Variants in CCDC83 observed in about 807,000 individuals in gnomAD.
CCDC83 encodes the protein coiled-coil domain-containing protein 83.
A neutral mutation model predicts 50.1 loss-of-function variants in CCDC83; 54 were observed. That is an observed-to-expected ratio of 1.08 (90% CI 0.87 to 1.35). CCDC83 has a LOEUF of 1.35. Among genes scored for constraint, CCDC83 ranks in the 40% most tolerant of loss-of-function variants. CCDC83 has a pLI of 0.00. For missense variants in CCDC83, 518 were observed against 473.9 expected, an observed-to-expected ratio of 1.09 and a Z score of -0.86; for synonymous variants, 161 against 153.3, an observed-to-expected ratio of 1.05 and a Z score of -0.37.
chr11:85,876,199 C>T (rs2093268144), intron 3 of CCDC83, among the ~76,000 whole-genome samples: 1 of 152,172 alleles, frequency 6.6e-6, no homozygotes, highest in African/African-American at 2.4e-5. Flanking sequence ...GAGTTCTGAT[C>T]TCAACCCTTT....
At chr11:85,904,236 C>A (rs1246060567) in intron 7 of CCDC83, among the ~76,000 whole-genome samples, 1 of 152,166 alleles carries the variant, frequency 6.6e-6, no homozygotes, top group African/African-American at 2.4e-5. Flanking sequence ...CTCATATACG[C>A]CACAACAGTT....
chr11:85,874,303 G>A (rs1361261262), intron 3 of CCDC83, among the ~76,000 whole-genome samples: 2 of 152,232 alleles, frequency 1.3e-5, no homozygotes, highest in Non-Finnish European at 2.9e-5. Flanking sequence ...ATGAGATCCA[G>A]AGCACTAAAG....
At chr11:85,874,407 T>C (rs950363840) in intron 3 of CCDC83, among the ~76,000 whole-genome samples, 9 of 152,126 alleles carry the variant, frequency 5.9e-5, no homozygotes, top group African/African-American at 2.2e-4. Context: ...GTAAAACAAA[T>C]CAGGATTGAG....
intron 7 of CCDC83, among the ~76,000 whole-genome samples, chr11:85,910,351 A>G (rs1287793027): frequency 6.6e-6 from 1 of 152,220 alleles, no homozygotes; most frequent in African/African-American, 2.4e-5. Flanking sequence ...TTTCTGCCAC[A>G]TGATAGCCAT....
At chr11:85,895,642 A>T (rs1362899678) in intron 6 of CCDC83, among the ~76,000 whole-genome samples, 1 of 152,216 alleles carries the variant, frequency 6.6e-6, no homozygotes, top group South Asian at 2.1e-4. Flanking sequence ...TTTAAATCAC[A>T]GTTCTACACT....
intron 1 of CCDC83, among the ~76,000 whole-genome samples, chr11:85,861,733 G>T (rs188237118): frequency 1.0e-3 from 152 of 152,200 alleles, no homozygotes; most frequent in African/African-American, 3.5e-3. Context: ...TTTGGGCCAA[G>T]TGCGGTGGCT....
At position 85,919,898 on chromosome 11, in the gene CCDC83, A is replaced by C. The variant is rs2093500352; in HGVS notation, c.*388A>C. On this transcript the variant is annotated 3_prime_UTR_variant, in exon 11 of 11. Transcript: ENST00000342404. ...CATTGTCTACACATCTTTCCCTCTG[A>C]GGATGCTCAATGTGATAGACAGCCA... The C allele has an allele frequency of 5.1e-6, 1 of 197,942 alleles. No homozygotes were observed. The highest frequency in any genetic ancestry group is 1.7e-4 in the East Asian group (1 of 5,758). The allele number at this position is 197,942 out of a possible 1,614,324, so 12.3% of individuals were successfully genotyped here. A position where few individuals can be genotyped will look rare whatever the true frequency, so the allele number is the denominator to read the frequency against.
intron 10 of CCDC83, chr11:85,916,684 A>T (rs1265316482): frequency 6.3e-6 from 1 of 159,460 alleles, no homozygotes; most frequent in Non-Finnish European, 1.4e-5. Context: ...GGTGGTTTAT[A>T]TGGCTAGCAT....
intron 6 of CCDC83, among the ~76,000 whole-genome samples, chr11:85,896,263 G>A (rs1401971723): frequency 2.6e-5 from 4 of 151,848 alleles, no homozygotes; most frequent in Non-Finnish European, 5.9e-5. Context: ...CCCTGTCTCA[G>A]CTAGTCCCAG....
chr11:85,856,206 AAAAG>A (rs971057473), intron 1 of CCDC83, among the ~76,000 whole-genome samples: 6 of 150,200 alleles, frequency 4.0e-5, no homozygotes, highest in Non-Finnish European at 5.9e-5. Flanking sequence ...AAAAAAAAGG[AAAAG>A]AAAGATTCCT....
intron 5 of CCDC83, among the ~76,000 whole-genome samples, chr11:85,891,889 G>C (rs1368814310): frequency 6.6e-6 from 1 of 152,306 alleles, no homozygotes; most frequent in East Asian, 1.9e-4. Context: ...TTGAACCTAG[G>C]TGTGTTAGGC....
intron 2 of CCDC83, among the ~76,000 whole-genome samples, chr11:85,872,636 A>G (rs759121489): frequency 4.6e-5 from 7 of 152,244 alleles, no homozygotes; most frequent in Non-Finnish European, 8.8e-5. Context: ...CAAATAGCCT[A>G]TAAGAAAGTC....
At chr11:85,862,825 A>T (rs1293683635) in intron 1 of CCDC83, among the ~76,000 whole-genome samples, 1 of 152,232 alleles carries the variant, frequency 6.6e-6, no homozygotes, top group Non-Finnish European at 1.5e-5. Flanking sequence ...AGCCCATTGG[A>T]AAAATGCAGC....
At chr11:85,886,493 G>A in intron 5 of CCDC83, 126 bp downstream of exon 5, 1 of 682,758 alleles carries the variant, frequency 1.5e-6, no homozygotes. Flanking sequence ...AAGCAGCTGT[G>A]AGCCTAAGGG....
At chr11:85,895,265 T>TTA (rs766422524) in intron 5 of CCDC83, 28 bp from the exon 6 acceptor site, 1,944 of 24,176 alleles carry the variant, frequency 0.08, 32 homozygotes, top group African/African-American at 0.36. Flanking sequence ...TTTAATTTTC[T>TTA]TTTTTTTTTT....
chr11:85,894,667 C>T (rs1054101746), intron 5 of CCDC83, among the ~76,000 whole-genome samples: 2 of 152,124 alleles, frequency 1.3e-5, no homozygotes, highest in Admixed American at 6.6e-5. Context: ...ATCACAAGGA[C>T]GGGTTTTTTT....
At chr11:85,880,064 T>C (rs2093291310) in intron 3 of CCDC83, among the ~76,000 whole-genome samples, 1 of 152,210 alleles carries the variant, frequency 6.6e-6, no homozygotes, top group African/African-American at 2.4e-5. Context: ...TTCTTGTTTT[T>C]CAAAATCATT....
chr11:85,858,026 T>G (rs1304604710), intron 1 of CCDC83, among the ~76,000 whole-genome samples: 1 of 152,178 alleles, frequency 6.6e-6, no homozygotes, highest in Non-Finnish European at 1.5e-5. Flanking sequence ...ACAAGAATAC[T>G]GTGGAGAGAG....
At position 85,873,283 on chromosome 11, in the gene CCDC83, A is replaced by T; in HGVS notation, c.168A>T (p.Lys56Asn). 1.4e-6 allele frequency: 2 copies of T among 1,459,040 alleles called. No homozygotes were observed. Among genetic ancestry groups the T allele is most frequent in the Non-Finnish European group, 1.9e-6 (2 of 1,062,018 alleles). 90.4% of individuals were successfully genotyped at this position (1,459,040 alleles called of 1,614,324 possible). Reference sequence around the variant, plus strand: ...AGACACTTAGGAAAAAGAACCAAAAATATCATGAAAGAGTGAGTATAAAAT... The same window carrying T: ...AGACACTTAGGAAAAAGAACCAAAATTATCATGAAAGAGTGAGTATAAAAT... ...QIKTLRKKNQ[K>N]YHERNSRLKE... is the part of the protein sequence containing the mutation. The change falls in exon 3 of 11, where the codon AAA becomes AAT. Residue 56 changes from lysine to asparagine, a missense_variant. By Grantham distance (94) the Lys-to-Asn change is moderately conservative. Transcript: ENST00000342404.
Sources: gnomAD v4.1 joint callset for allele counts (sites outside exome capture counted in the v4.1 genomes callset) on GRCh38, gnomAD v4.1.1 for gene constraint, MANE v1.5 for transcripts, NCBI Gene and HGNC (gene_info 2026-07-23, HGNC 2026-07-21) for gene names.